Variants in SELENON observed in about 807,000 individuals in gnomAD.
SELENON encodes the protein selenoprotein N, also known as selenoprotein N, 1.
A neutral mutation model predicts 59.5 loss-of-function variants in SELENON; 44 were observed. That is an observed-to-expected ratio of 0.74 (90% CI 0.58 to 0.95). SELENON has a LOEUF of 0.95. Ranked by LOEUF, SELENON falls within the 40% of genes least tolerant of loss-of-function variation. SELENON has a pLI of 0.00. For missense variants in SELENON, 674 were observed against 721.4 expected (o/e 0.93, Z 0.75); for synonymous variants, 320 against 305.6 (o/e 1.05, Z -0.49).
rs1182053760 is a variant in SELENON, at chr1:25,812,081, G to A, written c.1281+202G>A. On this transcript the variant is annotated intron_variant, in intron 9 of 12. Transcript: ENST00000361547. Reference sequence around the variant, plus strand: ...GAAGAGGCCAGGTGCAATGGCTCATGCCTATAATCCAAAACTTTGGGAGGC... The same window carrying A: ...GAAGAGGCCAGGTGCAATGGCTCATACCTATAATCCAAAACTTTGGGAGGC... Among the ~76,000 whole-genome samples the A allele has an allele frequency of 5.9e-5, 9 of 152,366 alleles. No homozygotes were observed. In the East Asian group the frequency reaches 1.7e-3, roughly 29 times the overall value.
chr1:25,811,585 G>T, intron 8 of SELENON, 50 bp downstream of exon 7: 1 of 1,604,248 alleles, frequency 6.2e-7, no homozygotes, highest in Non-Finnish European at 8.5e-7. Context: ...GCAGGGCCCC[G>T]CCCTCCCTCT....
At position 25,800,353 on chromosome 1, in the gene SELENON, CGCT is replaced by C. The variant is rs1408998255; in HGVS notation, c.126_128del (p.Ala45del). The C allele has an allele frequency of 5.7e-6, 6 of 1,046,342 alleles. No individual in the cohort carries two copies. The East Asian group carries it at 4.7e-4, about 82-fold the overall frequency. 64.8% of individuals were successfully genotyped at this position (1,046,342 alleles called of 1,614,324 possible). A position where few individuals can be genotyped will look rare whatever the true frequency, so the allele number is the denominator to read the frequency against. On this transcript the variant is annotated inframe_deletion, in exon 1 of 13. Transcript: ENST00000361547. Reference sequence around the variant, plus strand: ...TGCTCGGAGCCCTGCTGGCCGCCGCCGCTGCCGCCGCCGTCCGGGTCTGCGCCC... The same window carrying C: ...TGCTCGGAGCCCTGCTGGCCGCCGCCGCCGCCGCCGTCCGGGTCTGCGCCC...
chr1:25,817,580 C>G lies in SELENON; in HGVS notation c.*1862C>G, dbSNP rs746237097. ...CACGCACCTTCTCACTTAATCCTCA[C>G]GACAAGCCTGTGAGGCAGATGCTCA... On this transcript the variant is annotated 3_prime_UTR_variant, in exon 13 of 13. Coordinates refer to ENST00000361547, the MANE Select transcript of SELENON (RefSeq NM_020451.3). 1 of 152,232 alleles carries G rather than the reference C, an allele frequency of 6.6e-6. No individual in the cohort carries two copies. Among genetic ancestry groups the G allele is most frequent in the Non-Finnish European group, 1.5e-5 (1 of 68,052 alleles). 9.4% of individuals were successfully genotyped at this position (152,232 alleles called of 1,614,324 possible). A position where few individuals can be genotyped will look rare whatever the true frequency, so the allele number is the denominator to read the frequency against.
Position 25,807,899 on chromosome 1 carries a change from G to A in SELENON, c.538-681G>A, listed in dbSNP as rs187132051. 6.6e-6 allele frequency among the ~76,000 whole-genome samples: 1 copy of A among 152,202 alleles called. No individual in the cohort carries two copies. The highest frequency in any genetic ancestry group is 1.5e-5 in the Non-Finnish European group (1 of 68,028). ...CGAGGCAGGTCACCGATGAGGACTC[G>A]GGCTTAGGGAAGGCCTTTTGCCCAG... On this transcript the variant is annotated intron_variant, in intron 4 of 12. Transcript: ENST00000361547. The surrounding 1 kb of genome is among the most constrained non-coding windows in gnomAD (Gnocchi z 4.5).
chr1:25,809,421 G>C (rs1359400752), intron 6 of SELENON, among the ~76,000 whole-genome samples: 1 of 152,258 alleles, frequency 6.6e-6, no homozygotes, highest in Admixed American at 6.5e-5. Flanking sequence ...CCACACAGAA[G>C]TGGGAAGGAC....
rs2047849131 is a variant in SELENON at position 25,800,293 on chromosome 1, C to T, written c.63C>T (p.Pro21=). ...GCCCCGGCCCCGCCGCGCAGCCTCC[C>T]GCGCCACCGCGCCGCCGCGCCCGTT... Residue 21 remains proline (P), a synonymous_variant, in exon 1 of 13, where the codon CCC becomes CCT. Coordinates refer to ENST00000361547, the MANE Select transcript of SELENON (RefSeq NM_020451.3). 2.0e-6 allele frequency: 2 copies of T among 990,958 alleles called. No individual in the cohort carries two copies. Among genetic ancestry groups the T allele is most frequent in the African/African-American group, 1.8e-5 (1 of 56,772 alleles). The allele number at this position is 990,958 out of a possible 1,614,324, so 61.4% of individuals were successfully genotyped here.
At chr1:25,806,417 A>G (rs2047907820) in intron 4 of SELENON, among the ~76,000 whole-genome samples, 1 of 152,188 alleles carries the variant, frequency 6.6e-6, no homozygotes, top group Non-Finnish European at 1.5e-5. Flanking sequence ...CAAGAAGACC[A>G]GTTCTGGAGG....
chr1:25,803,802 A>G (rs1006486957), intron 3 of SELENON, among the ~76,000 whole-genome samples: 21 of 151,716 alleles, frequency 1.4e-4, no homozygotes, highest in African/African-American at 5.1e-4. Flanking sequence ...GGTTCAAGCA[A>G]TTCTCCTGTC....
chr1:25,813,636 G>A, intron 10 of SELENON: 1 of 597,980 alleles, frequency 1.7e-6, no homozygotes, highest in Non-Finnish European at 3.1e-6. Flanking sequence ...TTAAGAAGCT[G>A]TCACTGTCTG....
chr1:25,811,845 G>A lies in SELENON; in HGVS notation c.1247G>A (p.Arg416Gln), dbSNP rs373112027. ...GAGCTGAGCTGGGAGGAGGCTGCCCGGCGCCTGGAGGTGGCCATGTACCCC... is the reference window on the plus strand; with the variant it reads ...GAGCTGAGCTGGGAGGAGGCTGCCCAGCGCCTGGAGGTGGCCATGTACCCC... Residue 416 changes from arginine to glutamine, a missense_variant, in exon 9 of 13, where the codon CGG (arginine) becomes CAG (glutamine). Transcript: ENST00000361547. 56 of 1,576,438 alleles carry A rather than the reference G, an allele frequency of 3.6e-5. No individual in the cohort carries two copies. The African/African-American group carries it at 4.3e-4, about 12-fold the overall frequency.
At position 25,807,772 on chromosome 1, in the gene SELENON, G is replaced by A. The variant is rs559471391; in HGVS notation, c.538-808G>A. ...GAGCTCCTGCTGCCAGGGAGGTGGC[G>A]ACAGAAGAGGGAATCTGCTGTTCCC... On this transcript the variant is annotated intron_variant, in intron 4 of 12. Coordinates refer to ENST00000361547, the MANE Select transcript of SELENON (RefSeq NM_020451.3). This position sits in a 1 kb window ranked among gnomAD's most constrained non-coding sequence, Gnocchi z 4.5. Among the ~76,000 whole-genome samples, 25 of 152,330 alleles carry A rather than the reference G, an allele frequency of 1.6e-4. No homozygotes were observed. The highest frequency in any genetic ancestry group is 1.1e-3 in the Admixed American group (17 of 15,310).
chr1:25,801,004 C>T (rs1269244035), intron 1 of SELENON, 39 bp from the exon 2 acceptor site: 3 of 1,559,404 alleles, frequency 1.9e-6, no homozygotes, highest in Non-Finnish European at 2.7e-6. Context: ...GAGACCAGGC[C>T]GCCAAATGGT....
chr1:25,801,993 C>CTTTT, intron 2 of SELENON: 2 of 224,880 alleles, frequency 8.9e-6, no homozygotes, highest in South Asian at 4.2e-5. Flanking sequence ...GCAGCTATAA[C>CTTTT]TTTTTTTTTT....
Position 25,812,746 on chromosome 1 carries a change from G to A in SELENON, c.1341G>A (p.Val447=), listed in dbSNP as rs2047977027. 3 of 1,613,674 alleles carry A rather than the reference G, an allele frequency of 1.9e-6. No individual in the cohort carries two copies. The highest frequency in any genetic ancestry group is 1.1e-5 in the South Asian group (1 of 90,968). ...GAGCCAAGGCTGAGAACAAGCTGGT[G>A]CACTCAATCCTGCTGTGGGGGGCCC... Residue 447 remains valine (V), a synonymous_variant, in exon 10 of 13, where the codon GTG becomes GTA. Coordinates refer to ENST00000361547, the MANE Select transcript of SELENON (RefSeq NM_020451.3).
At position 25,802,563 on chromosome 1, in the gene SELENON, C is replaced by G. The variant is rs552521106; in HGVS notation, c.403+446C>G. Among the ~76,000 whole-genome samples the G allele has an allele frequency of 2.6e-4, 40 of 152,224 alleles. 1 individual carries two copies. The South Asian group carries it at 4.6e-3, about 17-fold the overall frequency. Reference sequence around the variant, plus strand: ...TAGAGACGGGGTTTTGCCTTGTTAGCTAGGCTGGTCTCGAACTCCTGACCT... The same window carrying G: ...TAGAGACGGGGTTTTGCCTTGTTAGGTAGGCTGGTCTCGAACTCCTGACCT... On this transcript the variant is annotated intron_variant, in intron 3 of 12. Transcript: ENST00000361547.
At chr1:25,811,427 G>A in intron 7 of SELENON, 27 bp from the exon 7 acceptor site, 1 of 1,587,076 alleles carries the variant, frequency 6.3e-7, no homozygotes, top group Non-Finnish European at 8.7e-7. Context: ...CTTTGATGAT[G>A]GTGTCACTCT....
intron 1 of SELENON, among the ~76,000 whole-genome samples, chr1:25,800,738 A>T (rs1231519001): frequency 6.6e-6 from 1 of 151,576 alleles, no homozygotes; most frequent in Non-Finnish European, 1.5e-5. Context: ...GACAGTGAGG[A>T]GGGGACACAG....
chr1:25,809,800 G>C lies in SELENON; in HGVS notation c.990G>C (p.Arg330=), dbSNP rs1051686269. The C allele has an allele frequency of 2.5e-6, 4 of 1,613,674 alleles. No homozygotes were observed. Among genetic ancestry groups the C allele is most frequent in the Admixed American group, 3.3e-5 (2 of 60,006 alleles). Residue 330 remains arginine, a synonymous_variant, in exon 7 of 13, where the codon CGG becomes CGC. Coordinates refer to ENST00000361547, the MANE Select transcript of SELENON (RefSeq NM_020451.3). ...ACGCCACCCACGTCCGCGACTTCCGGCTCTTCGTGCCCAACCACAGGTGGG... is the reference window on the plus strand; with the variant it reads ...ACGCCACCCACGTCCGCGACTTCCGCCTCTTCGTGCCCAACCACAGGTGGG...
chr1:25,800,792 G>T (rs1487013840), intron 1 of SELENON, among the ~76,000 whole-genome samples: 2 of 152,100 alleles, frequency 1.3e-5, no homozygotes, highest in Non-Finnish European at 2.9e-5. Context: ...AGCAGCCAGG[G>T]CCAGGCGGAA....
Sources: allele counts gnomAD v4.1 joint callset (sites outside exome capture counted in the v4.1 genomes callset), GRCh38; gene constraint gnomAD v4.1.1; non-coding constraint Gnocchi (gnomAD v3.1); transcripts MANE v1.5; gene names NCBI Gene and HGNC (gene_info 2026-07-23, HGNC 2026-07-21).